Variants in RIN3 observed in about 807,000 individuals in gnomAD.
The protein encoded by RIN3 is RAB5 interacting protein 3.
In RIN3, 54 loss-of-function variants were observed where a neutral mutation model predicts 76.3. That is an observed-to-expected ratio of 0.71 (90% CI 0.57 to 0.89). RIN3 has a LOEUF of 0.89. Ranked by LOEUF, RIN3 falls within the 40% of genes least tolerant of loss-of-function variation. The pLI, the probability that RIN3 is intolerant of heterozygous loss-of-function variation, is 0.00. For synonymous variants in RIN3, 576 were observed against 564.0 expected (o/e 1.02, Z -0.30); for missense variants, 1,256 against 1,322.1 (o/e 0.95, Z 0.78).
intron 3 of RIN3, among the ~76,000 whole-genome samples, chr14:92,600,105 C>T (rs1885292012): frequency 6.6e-6 from 1 of 152,220 alleles, no homozygotes; most frequent in African/African-American, 2.4e-5. Context: ...ACACCCCTTG[C>T]TTCACCACCT....
At chr14:92,654,892 C>G (rs1248302745) in intron 6 of RIN3, among the ~76,000 whole-genome samples, 1 of 152,090 alleles carries the variant, frequency 6.6e-6, no homozygotes, top group Non-Finnish European at 1.5e-5. Context: ...TGAGTAGGGC[C>G]GGGTGCAGTG....
At chr14:92,627,352 T>C (rs368368563) in intron 4 of RIN3, among the ~76,000 whole-genome samples, 8 of 152,246 alleles carry the variant, frequency 5.3e-5, no homozygotes, top group South Asian at 2.1e-4. Context: ...CCTCTTAGCA[T>C]TGGCATGCAG....
At chr14:92,529,272 G>A (rs1223496240) in intron 1 of RIN3, among the ~76,000 whole-genome samples, 1 of 146,014 alleles carries the variant, frequency 6.8e-6, no homozygotes, top group East Asian at 2.0e-4. Context: ...TTTTTGAGAT[G>A]GAGTCTCGCA....
intron 3 of RIN3, among the ~76,000 whole-genome samples, chr14:92,600,349 G>T (rs1885299685): frequency 6.6e-6 from 1 of 152,204 alleles, no homozygotes; most frequent in African/African-American, 2.4e-5. Flanking sequence ...CCCCGGAGCT[G>T]CAGGCTTCCC....
chr14:92,583,419 T>G (rs945661145), intron 3 of RIN3, among the ~76,000 whole-genome samples: 3 of 152,258 alleles, frequency 2.0e-5, no homozygotes, highest in African/African-American at 7.2e-5. Flanking sequence ...AGTCTTGCTG[T>G]GGTAACAAAC....
chr14:92,634,605 CCTGT>C (rs1886710750), intron 4 of RIN3, among the ~76,000 whole-genome samples: 1 of 152,064 alleles, frequency 6.6e-6, no homozygotes, highest in Admixed American at 6.6e-5. Flanking sequence ...GTGGCTCACG[CCTGT>C]AATCCCAGCA....
intron 1 of RIN3, among the ~76,000 whole-genome samples, chr14:92,521,791 A>C (rs954232805): frequency 6.6e-6 from 1 of 152,216 alleles, no homozygotes; most frequent in Non-Finnish European, 1.5e-5. Flanking sequence ...AATAAGAGAA[A>C]TATGTGCGTA....
At chr14:92,608,222 G>A (rs192963437) in intron 3 of RIN3, among the ~76,000 whole-genome samples, 5 of 152,256 alleles carry the variant, frequency 3.3e-5, no homozygotes, top group African/African-American at 7.2e-5. Context: ...GTCAATTTCC[G>A]GGTTTTGACA....
At position 92,688,135 on chromosome 14, in the gene RIN3, G is replaced by T. The variant is rs1252446643; in HGVS notation, c.2841G>T (p.Leu947=). ...DALPHCIKGY[L]LRSEPKRDFH... Reference sequence around the variant, plus strand: ...TGCCGCACTGCATCAAGGGCTACCTGCTGCGCAGCGAGCCCAAGCGCGACT... The same window carrying T: ...TGCCGCACTGCATCAAGGGCTACCTTCTGCGCAGCGAGCCCAAGCGCGACT... The change falls in exon 10 of 10, where the codon CTG becomes CTT. Residue 947 remains leucine (L), a synonymous_variant. Coordinates refer to ENST00000216487, the MANE Select transcript of RIN3 (RefSeq NM_024832.5). 13 of 1,610,124 alleles carry T rather than the reference G, an allele frequency of 8.1e-6. No homozygotes were observed. Among genetic ancestry groups the T allele is most frequent in the African/African-American group, 2.7e-5 (2 of 74,882 alleles).
intron 7 of RIN3, among the ~76,000 whole-genome samples, chr14:92,673,199 T>C (rs1036892858): frequency 5.9e-5 from 9 of 152,096 alleles, no homozygotes. Flanking sequence ...TATCACAGCA[T>C]GTATGAGTAG....
chr14:92,597,755 G>T (rs1476735948), intron 3 of RIN3, among the ~76,000 whole-genome samples: 1 of 152,146 alleles, frequency 6.6e-6, no homozygotes, highest in African/African-American at 2.4e-5. Context: ...TGTGGCTCCC[G>T]ATTGGTACAA....
chr14:92,521,299 A>G (rs1242178513), intron 1 of RIN3, among the ~76,000 whole-genome samples: 1 of 152,020 alleles, frequency 6.6e-6, no homozygotes, highest in Non-Finnish European at 1.5e-5. Context: ...CCTTCCATCT[A>G]TCAATCCATC....
chr14:92,684,840 C>CTCAGA, intron 8 of RIN3, 147 bp from the exon 9 acceptor site: 2 of 854,022 alleles, frequency 2.3e-6, no homozygotes, highest in Non-Finnish European at 3.8e-6. Context: ...TGGGGTTGAG[C>CTCAGA]TCAGCTGTTG....
At chr14:92,574,451 T>C (rs1038152461) in intron 2 of RIN3, among the ~76,000 whole-genome samples, 1 of 152,252 alleles carries the variant, frequency 6.6e-6, no homozygotes, top group Non-Finnish European at 1.5e-5. Context: ...TAAACATACC[T>C]GGCTTCCAGG....
At chr14:92,610,516 G>T (rs541334118) in intron 3 of RIN3, among the ~76,000 whole-genome samples, 2 of 152,188 alleles carry the variant, frequency 1.3e-5, no homozygotes, top group Non-Finnish European at 2.9e-5. Flanking sequence ...CTCCTGCCCC[G>T]GCTGTAGTCC....
intron 1 of RIN3, among the ~76,000 whole-genome samples, chr14:92,537,634 C>CTTTTTTTTGTTTTTTTTTTTTTTTTTT (rs1897030427): frequency 1.9e-5 from 1 of 51,628 alleles, no homozygotes; most frequent in Non-Finnish European, 3.4e-5. Context: ...GCCTTAGGGA[C>CTTTTTTTTGTTTTTTTTTTTTTTTTTT]TTTTTTTTTT....
intron 1 of RIN3, among the ~76,000 whole-genome samples, chr14:92,544,734 G>A (rs1487000636): frequency 1.3e-5 from 2 of 151,934 alleles, no homozygotes; most frequent in Non-Finnish European, 2.9e-5. Context: ...TAAATATCAA[G>A]TTTAGAGAAG....
chr14:92,617,284 G>C (rs1595459267), intron 4 of RIN3, among the ~76,000 whole-genome samples: 1 of 151,786 alleles, frequency 6.6e-6, no homozygotes, highest in Admixed American at 6.6e-5. Context: ...TGGGCAACAA[G>C]AGCAAAACTC....
rs1018150574 is a variant in RIN3 at position 92,681,894 on chromosome 14, T to G, written c.2468-3093T>G. Among the ~76,000 whole-genome samples the G allele has an allele frequency of 1.1e-4, 16 of 152,194 alleles. No homozygotes were observed. Among genetic ancestry groups the G allele is most frequent in the Non-Finnish European group, 2.4e-4 (16 of 68,042 alleles). Reference sequence around the variant, plus strand: ...AAATGTCTCTTATTTATTTTTATTTTTTTTTAATTTGAGATGAAGTCTCAC... The same window carrying G: ...AAATGTCTCTTATTTATTTTTATTTGTTTTTAATTTGAGATGAAGTCTCAC... On this transcript the variant is annotated intron_variant, in intron 8 of 9. Transcript: ENST00000216487. This position sits in a 1 kb window ranked among gnomAD's most constrained non-coding sequence, Gnocchi z 4.7.
Sources: allele counts gnomAD v4.1 joint callset (sites outside exome capture counted in the v4.1 genomes callset), GRCh38; gene constraint gnomAD v4.1.1; non-coding constraint Gnocchi (gnomAD v3.1); transcripts MANE v1.5; gene names NCBI Gene and HGNC (gene_info 2026-07-23, HGNC 2026-07-21).